CPXM2: variants seen among roughly 807,000 people sequenced by gnomAD.
CPXM2 encodes the protein inactive carboxypeptidase-like protein X2.
A neutral mutation model predicts 86.1 loss-of-function variants in CPXM2; 66 were observed. That is an observed-to-expected ratio of 0.77 (90% CI 0.63 to 0.94). CPXM2 has a LOEUF of 0.94. Among genes scored for constraint, CPXM2 ranks in the 40% least tolerant of loss-of-function variants. The pLI, the probability that CPXM2 is intolerant of heterozygous loss-of-function variation, is 0.00. For synonymous variants in CPXM2, 388 were observed against 400.2 expected, an observed-to-expected ratio of 0.97 and a Z score of 0.36; for missense variants, 948 against 1,026.3, an observed-to-expected ratio of 0.92 and a Z score of 1.04.
chr10:123,787,808 C>T (rs1408552969), intron 6 of CPXM2, among the ~76,000 whole-genome samples: 3 of 152,130 alleles, frequency 2.0e-5, no homozygotes, highest in Admixed American at 1.3e-4. Context: ...AATGCTCTAT[C>T]CAGACCGGCA....
chr10:123,931,749 AG>A (rs1299712817), intron 2 of CPXM2, among the ~76,000 whole-genome samples: 2 of 152,260 alleles, frequency 1.3e-5, no homozygotes, highest in African/African-American at 4.8e-5. Flanking sequence ...TTTTTAGATT[AG>A]TATATTCATA....
At chr10:123,830,610 G>A (rs1848143774) in intron 4 of CPXM2, among the ~76,000 whole-genome samples, 1 of 152,114 alleles carries the variant, frequency 6.6e-6, no homozygotes, top group Non-Finnish European at 1.5e-5. Flanking sequence ...CTGGAACCAT[G>A]AGGAAGCTGG....
chr10:123,808,938 G>A (rs531551088), intron 4 of CPXM2, among the ~76,000 whole-genome samples: 2 of 152,230 alleles, frequency 1.3e-5, no homozygotes, highest in East Asian at 1.9e-4. Context: ...TCTACAGACT[G>A]TAGTAACTTT....
chr10:123,794,132 C>T (rs536938434), intron 6 of CPXM2, among the ~76,000 whole-genome samples: 3 of 152,234 alleles, frequency 2.0e-5, no homozygotes, highest in East Asian at 1.9e-4. Context: ...TGCCTTTTGG[C>T]GGCTCCTCTG....
intron 2 of CPXM2, among the ~76,000 whole-genome samples, chr10:123,899,837 T>C (rs1564817751): frequency 6.6e-6 from 1 of 152,186 alleles, no homozygotes. Flanking sequence ...ATAGAAAGTG[T>C]ATAAACATAT....
intron 3 of CPXM2, among the ~76,000 whole-genome samples, chr10:123,842,729 A>G (rs1198713465): frequency 6.6e-6 from 1 of 152,208 alleles, no homozygotes; most frequent in Non-Finnish European, 1.5e-5. Context: ...AGTGTGAAAG[A>G]TGAAATTTAA....
chr10:123,853,800 G>A (rs796887880), intron 3 of CPXM2, among the ~76,000 whole-genome samples: 7 of 152,258 alleles, frequency 4.6e-5, no homozygotes, highest in African/African-American at 1.4e-4. Context: ...AGCTACTCAG[G>A]AGGCTGAGGT....
At chr10:123,937,626 A>G (rs1353153097) in intron 2 of CPXM2, among the ~76,000 whole-genome samples, 1 of 152,136 alleles carries the variant, frequency 6.6e-6, no homozygotes, top group Non-Finnish European at 1.5e-5. Context: ...CCTTTTTTCA[A>G]CAAAGTCTCT....
At chr10:123,813,193 T>C (rs1447397726) in intron 4 of CPXM2, among the ~76,000 whole-genome samples, 1 of 152,230 alleles carries the variant, frequency 6.6e-6, no homozygotes, top group Admixed American at 6.5e-5. Flanking sequence ...GTATAATTTC[T>C]TCTTTCCTTG....
At chr10:123,926,576 C>G (rs1945623373) in intron 2 of CPXM2, among the ~76,000 whole-genome samples, 1 of 152,250 alleles carries the variant, frequency 6.6e-6, no homozygotes, top group African/African-American at 2.4e-5. Context: ...GATATTCTTT[C>G]AATTAAGCTG....
At chr10:123,918,783 A>G (rs1232751285) in intron 2 of CPXM2, among the ~76,000 whole-genome samples, 1 of 152,182 alleles carries the variant, frequency 6.6e-6, no homozygotes, top group Non-Finnish European at 1.5e-5. Flanking sequence ...AATTCTGAGA[A>G]AATTATTTCC....
At chr10:123,912,813 G>T (rs1236345877) in intron 2 of CPXM2, among the ~76,000 whole-genome samples, 1 of 152,220 alleles carries the variant, frequency 6.6e-6, no homozygotes, top group Non-Finnish European at 1.5e-5. Context: ...CAACCATCCA[G>T]TTATTTTTGT....
chr10:123,846,136 A>T (rs1200192454), intron 3 of CPXM2, among the ~76,000 whole-genome samples: 1 of 152,060 alleles, frequency 6.6e-6, no homozygotes, highest in Non-Finnish European at 1.5e-5. Context: ...GGGGTGGGGG[A>T]TGGTTTTGGG....
chr10:123,926,534 C>A (rs1335147106), intron 2 of CPXM2, among the ~76,000 whole-genome samples: 1 of 152,226 alleles, frequency 6.6e-6, no homozygotes, highest in East Asian at 1.9e-4. Flanking sequence ...CTGTCCAGGG[C>A]AGTGGTCCTT....
At chr10:123,852,984 CCCA>C (rs1848636381) in intron 3 of CPXM2, among the ~76,000 whole-genome samples, 1 of 152,158 alleles carries the variant, frequency 6.6e-6, no homozygotes. Context: ...TGTGTCCCTG[CCCA>C]AATCTCACGT....
At chr10:123,857,754 G>T (rs181246632) in intron 3 of CPXM2, among the ~76,000 whole-genome samples, 262 of 152,344 alleles carry the variant, frequency 1.7e-3, no homozygotes, top group African/African-American at 5.9e-3. Flanking sequence ...AGGCCCCACT[G>T]ACGCCGAGGA....
At chr10:123,755,278 G>C (rs942618879) in intron 12 of CPXM2, among the ~76,000 whole-genome samples, 1 of 152,220 alleles carries the variant, frequency 6.6e-6, no homozygotes, top group Non-Finnish European at 1.5e-5. Context: ...AATGTCTGCT[G>C]AGGGGGAAGT....
At chr10:123,900,707 G>C (rs909081239) in intron 2 of CPXM2, among the ~76,000 whole-genome samples, 1 of 152,158 alleles carries the variant, frequency 6.6e-6, no homozygotes, top group Non-Finnish European at 1.5e-5. Context: ...TTATATAAAA[G>C]ACATAAAAGA....
At position 123,774,512 on chromosome 10, in the gene CPXM2, C is replaced by T. The variant is rs1186516993; in HGVS notation, c.979-3473G>A. Among the ~76,000 whole-genome samples, 3 of 152,228 alleles carry T rather than the reference C, an allele frequency of 2.0e-5. No homozygotes were observed. The East Asian group carries it at 5.8e-4, about 29-fold the overall frequency. ...GCTTCATATGCCTTTCATAACACAA[C>T]ATTCTGTAATGACTGGGAAGAGTGG... On this transcript the variant is annotated intron_variant, in intron 7 of 13. Coordinates refer to ENST00000241305, the MANE Select transcript of CPXM2 (RefSeq NM_198148.3).
Sources: allele counts gnomAD v4.1 joint callset (sites outside exome capture counted in the v4.1 genomes callset), GRCh38; gene constraint gnomAD v4.1.1; transcripts MANE v1.5; gene names NCBI Gene and HGNC (gene_info 2026-07-23, HGNC 2026-07-21).